MICAL3: variants seen among roughly 807,000 people sequenced by gnomAD.
MICAL3 encodes the protein microtubule associated monooxygenase, calponin and LIM domain containing 3, also known as [F-actin]-monooxygenase MICAL3.
A neutral mutation model predicts 207.4 loss-of-function variants in MICAL3; 62 were observed. The observed-to-expected ratio is 0.30, with a 90% CI of 0.24 to 0.37. The LOEUF is 0.37. Ranked by LOEUF, MICAL3 falls within the 10% of genes least tolerant of loss-of-function variation. The probability of loss-of-function intolerance (pLI) is 1.00; values close to 1 mark genes in which losing one functional copy is unlikely to be tolerated. For missense variants in MICAL3, 2,368 were observed against 2,635.6 expected, an observed-to-expected ratio of 0.90 and a Z score of 2.22; for synonymous variants, 1,077 against 1,069.3, an observed-to-expected ratio of 1.01 and a Z score of -0.14.
chr22:17,937,714 T>C (rs897162505), intron 1 of MICAL3, among the ~76,000 whole-genome samples: 1 of 152,168 alleles, frequency 6.6e-6, no homozygotes, highest in Admixed American at 6.5e-5. Flanking sequence ...CAAAAACAGA[T>C]TGCTAACTTC....
At chr22:17,933,633 G>GA (rs1485948751) in intron 1 of MICAL3, among the ~76,000 whole-genome samples, 1 of 152,136 alleles carries the variant, frequency 6.6e-6, no homozygotes, top group African/African-American at 2.4e-5. Flanking sequence ...GGGCAGAACT[G>GA]AAAGAGATTA....
intron 1 of MICAL3, among the ~76,000 whole-genome samples, chr22:17,969,454 G>A (rs1284733030): frequency 3.3e-5 from 5 of 152,242 alleles, no homozygotes; most frequent in African/African-American, 9.6e-5. Flanking sequence ...GCCGACAGGC[G>A]TTGTGGAATG....
intron 1 of MICAL3, among the ~76,000 whole-genome samples, chr22:17,995,491 A>ATTTTTTTTTTTTTTTTTTTTTT (rs138357470): frequency 1.3e-5 from 1 of 77,596 alleles, no homozygotes. Context: ...CTTTTCTTTA[A>ATTTTTTTTTTTTTTTTTTTTTT]TTTTTTTTTT....
At chr22:17,878,700 T>C (rs1185300975) in intron 16 of MICAL3, among the ~76,000 whole-genome samples, 1 of 152,178 alleles carries the variant, frequency 6.6e-6, no homozygotes, top group African/African-American at 2.4e-5. Flanking sequence ...AAAAGTTTCA[T>C]AAAGTAAGCC....
At chr22:18,009,036 C>T (rs1923573212) in intron 1 of MICAL3, among the ~76,000 whole-genome samples, 1 of 152,100 alleles carries the variant, frequency 6.6e-6, no homozygotes, top group South Asian at 2.1e-4. Flanking sequence ...AACTGATTGG[C>T]ATGTGTATGT....
intron 25 of MICAL3, among the ~76,000 whole-genome samples, chr22:17,820,142 CA>C (rs35565268): frequency 0.011 from 1,329 of 120,042 alleles, 18 homozygotes; most frequent in Admixed American, 0.056. Context: ...GACCCTGTCT[CA>C]AAAAAAAAAA....
chr22:17,920,985 C>T (rs1258853359), intron 1 of MICAL3, among the ~76,000 whole-genome samples: 1 of 152,144 alleles, frequency 6.6e-6, no homozygotes, highest in Non-Finnish European at 1.5e-5. Context: ...ATTCTGGTTC[C>T]TAAATAAGAT....
Position 17,889,060 on chromosome 22 carries a change from A to T in MICAL3, c.1865T>A (p.Met622Lys). 6.2e-7 allele frequency: 1 copy of T among 1,609,792 alleles called. No individual in the cohort carries two copies. Among genetic ancestry groups the T allele is most frequent in the Non-Finnish European group, 8.5e-7 (1 of 1,176,512 alleles). ...GCTAGAGGGGAGGGAGTCCTTAAACATCTCGTAGAACTGAGTCAGGTACAT... is the reference window on the plus strand; with the variant it reads ...GCTAGAGGGGAGGGAGTCCTTAAACTTCTCGTAGAACTGAGTCAGGTACAT... Reference protein sequence around the residue: ...MVMYLTQFYEMFKDSLPSSDT... With the variant: ...MVMYLTQFYEKFKDSLPSSDT... The change falls in exon 13 of 32, where the codon ATG (methionine) becomes AAG (lysine). Residue 622 changes from methionine (M) to lysine (K), a missense_variant. Met to Lys is a moderately conservative substitution (Grantham distance 95). Transcript: ENST00000441493.
chr22:18,014,000 T>C (rs934357085), intron 1 of MICAL3, among the ~76,000 whole-genome samples: 15 of 152,122 alleles, frequency 9.9e-5, no homozygotes, highest in African/African-American at 3.4e-4. Context: ...TCTTACCATG[T>C]TGCCCAGGCT....
Position 17,799,923 on chromosome 22 carries a change from A to ACG in MICAL3, c.5651-8624_5651-8623dup, listed in dbSNP as rs554570620. Among the ~76,000 whole-genome samples the ACG allele has an allele frequency of 9.0e-3, 1,359 of 150,268 alleles. 23 individuals carry two copies. Among genetic ancestry groups the ACG allele is most frequent in the African/African-American group, 0.032 (1,286 of 40,374 alleles). On this transcript the variant is annotated intron_variant, in intron 29 of 31. Transcript: ENST00000441493. Reference sequence around the variant, plus strand: ...CTAAAACACACAAACACACACACACACGCGCGCTGGGAAACCTCACTCTAA... The same window carrying ACG: ...CTAAAACACACAAACACACACACACACGCGCGCGCTGGGAAACCTCACTCTAA...
At chr22:17,842,188 G>A (rs966230379) in intron 19 of MICAL3, 171 bp from the exon 20 acceptor site, 32 of 632,690 alleles carry the variant, frequency 5.1e-5, no homozygotes, top group African/African-American at 4.9e-4. Context: ...ATGTGAGAGG[G>A]AATTTCACTC....
intron 1 of MICAL3, among the ~76,000 whole-genome samples, chr22:17,989,691 C>T (rs1921447328): frequency 6.6e-6 from 1 of 152,192 alleles, no homozygotes; most frequent in Non-Finnish European, 1.5e-5. Context: ...CAGGTTCAAA[C>T]CCCCAACTCC....
At chr22:17,988,223 G>A (rs965638584) in intron 1 of MICAL3, among the ~76,000 whole-genome samples, 7 of 152,210 alleles carry the variant, frequency 4.6e-5, no homozygotes, top group African/African-American at 1.7e-4. Flanking sequence ...CACCTACCCA[G>A]CATTATCCGG....
intron 11 of MICAL3, 71 bp from the exon 12 acceptor site, chr22:17,891,703 A>G (rs1930404271): frequency 1.4e-6 from 2 of 1,454,804 alleles, no homozygotes; most frequent in South Asian, 1.2e-5. Flanking sequence ...TCCTCTTTGT[A>G]GGACACATGT....
intron 1 of MICAL3, among the ~76,000 whole-genome samples, chr22:17,930,248 G>C (rs142365905): frequency 1.3e-5 from 2 of 152,222 alleles, no homozygotes; most frequent in African/African-American, 4.8e-5. Context: ...TTGTTCAGCA[G>C]TGGTTCTTGA....
At chr22:17,840,641 G>A (rs868682242) in intron 20 of MICAL3, 13 of 152,244 alleles carry the variant, frequency 8.5e-5, no homozygotes, top group African/African-American at 3.1e-4. Flanking sequence ...CCAAGGTCAA[G>A]CCAGTAGCTC....
chr22:17,803,701 T>C (rs1462816611), intron 29 of MICAL3: 1 of 409,012 alleles, frequency 2.4e-6, no homozygotes, highest in African/African-American at 2.2e-5. Flanking sequence ...GCTTTTGCCA[T>C]TTGGTTATTG....
chr22:17,884,571 G>T (rs1929715262), intron 16 of MICAL3, among the ~76,000 whole-genome samples: 1 of 152,270 alleles, frequency 6.6e-6, no homozygotes, highest in South Asian at 2.1e-4. Context: ...CAAAAGAACA[G>T]AAAAAGGAAA....
intron 19 of MICAL3, chr22:17,860,807 G>A (rs1240096597): frequency 1.0e-5 from 10 of 985,294 alleles, no homozygotes; most frequent in East Asian, 1.1e-4. Flanking sequence ...CGTGCTGCCC[G>A]TACGCTGCTG....
Sources: allele counts gnomAD v4.1 joint callset (sites outside exome capture counted in the v4.1 genomes callset), GRCh38; gene constraint gnomAD v4.1.1; transcripts MANE v1.5; gene names NCBI Gene and HGNC (gene_info 2026-07-23, HGNC 2026-07-21).